The following CAMKMT variants were observed in gnomAD, a reference collection of about 807,000 sequenced individuals.
CAMKMT encodes calmodulin-lysine N-methyltransferase.
CAMKMT carries 53 observed loss-of-function variants against 48.0 expected under a neutral mutation model. That is an observed-to-expected ratio of 1.10 (90% CI 0.89 to 1.39). The LOEUF is 1.39. Among genes scored for constraint, CAMKMT ranks in the 40% most tolerant of loss-of-function variants. The probability of loss-of-function intolerance (pLI) is 0.00; values close to 1 mark genes in which losing one functional copy is unlikely to be tolerated. For missense variants in CAMKMT, 428 were observed against 402.7 expected, an observed-to-expected ratio of 1.06 and a Z score of -0.54; for synonymous variants, 165 against 152.3, an observed-to-expected ratio of 1.08 and a Z score of -0.61.
intron 3 of CAMKMT, among the ~76,000 whole-genome samples, chr2:44,615,542 C>T (rs2103912556): frequency 6.6e-6 from 1 of 152,176 alleles, no homozygotes; most frequent in Non-Finnish European, 1.5e-5. Flanking sequence ...CCTTGGGTAG[C>T]TGGCAGGATG....
At chr2:44,376,362 A>G (rs1260195909) in intron 2 of CAMKMT, among the ~76,000 whole-genome samples, 2 of 151,544 alleles carry the variant, frequency 1.3e-5, no homozygotes, top group African/African-American at 4.9e-5. Context: ...TGGAGGTTGC[A>G]GTCAGATGAG....
At chr2:44,585,713 G>A (rs1469933913) in intron 3 of CAMKMT, among the ~76,000 whole-genome samples, 1 of 152,234 alleles carries the variant, frequency 6.6e-6, no homozygotes, top group African/African-American at 2.4e-5. Flanking sequence ...TCAAGTTCAA[G>A]TAACATGCTA....
At chr2:44,402,771 A>G (rs566309815) in intron 3 of CAMKMT, among the ~76,000 whole-genome samples, 105 of 30,454 alleles carry the variant, frequency 3.4e-3, no homozygotes, top group South Asian at 0.022. Flanking sequence ...CTTTTTCTTT[A>G]CTTTTAACCT....
In CAMKMT at chr2:44,400,243, C is replaced by A. The variant is rs1682238880; in HGVS notation, c.376+9938C>A. 2.0e-5 allele frequency among the ~76,000 whole-genome samples: 3 copies of A among 152,098 alleles called. No individual in the cohort carries two copies. The South Asian group carries it at 6.2e-4, about 32-fold the overall frequency. On this transcript the variant is annotated intron_variant, in intron 3 of 10. Transcript: ENST00000378494. ...AAACTAATAGAAACTGAGTTCAGAA[C>A]ACATACATTTTTTATTTAGGTAATA... is the stretch of plus-strand genomic sequence containing the variant.
intron 3 of CAMKMT, among the ~76,000 whole-genome samples, chr2:44,608,133 C>T (rs1028168670): frequency 1.4e-5 from 2 of 141,408 alleles, no homozygotes; most frequent in Middle Eastern, 4.1e-3. Flanking sequence ...AGTGCAGTGG[C>T]AGCATCTCGG....
At chr2:44,500,863 G>T (rs1029732725) in intron 3 of CAMKMT, among the ~76,000 whole-genome samples, 5 of 151,724 alleles carry the variant, frequency 3.3e-5, no homozygotes, top group African/African-American at 1.2e-4. Context: ...TGTATTTTTA[G>T]TAGAGATGGG....
intron 3 of CAMKMT, among the ~76,000 whole-genome samples, chr2:44,391,324 A>G (rs1181800926): frequency 6.6e-6 from 1 of 152,146 alleles, no homozygotes; most frequent in East Asian, 1.9e-4. Context: ...AAAATAATGT[A>G]GGTTTCTTTT....
intron 3 of CAMKMT, among the ~76,000 whole-genome samples, chr2:44,419,806 A>G (rs1293195715): frequency 6.6e-6 from 1 of 152,190 alleles, no homozygotes; most frequent in African/African-American, 2.4e-5. Context: ...ATTGTGCACA[A>G]TGATCACACC....
intron 3 of CAMKMT, among the ~76,000 whole-genome samples, chr2:44,558,034 T>TATTC (rs60843994): frequency 0.015 from 2,177 of 143,960 alleles, 19 homozygotes; most frequent in Middle Eastern, 0.035. Flanking sequence ...TTTATTTATT[T>TATTC]ATTCATTCAT....
intron 3 of CAMKMT, among the ~76,000 whole-genome samples, chr2:44,597,708 T>C (rs1670742747): frequency 6.6e-6 from 1 of 152,134 alleles, no homozygotes; most frequent in African/African-American, 2.4e-5. Flanking sequence ...TATAGTAACA[T>C]ATATGCTTCC....
At chr2:44,737,865 T>C (rs1050460917) in intron 7 of CAMKMT, among the ~76,000 whole-genome samples, 1 of 131,644 alleles carries the variant, frequency 7.6e-6, no homozygotes, top group Non-Finnish European at 1.6e-5. Context: ...TTTTCTTTTT[T>C]TTTTTTTCTT....
intron 3 of CAMKMT, among the ~76,000 whole-genome samples, chr2:44,523,533 G>A (rs1319129762): frequency 6.6e-6 from 1 of 151,760 alleles, no homozygotes; most frequent in Non-Finnish European, 1.5e-5. Context: ...GACCGCAGGT[G>A]ATCCACCCAC....
intron 7 of CAMKMT, among the ~76,000 whole-genome samples, chr2:44,715,733 A>AT (rs200624079): frequency 3.4e-4 from 51 of 151,226 alleles, no homozygotes; most frequent in African/African-American, 9.2e-4. Flanking sequence ...CCCTGGAGAT[A>AT]TTTTTTTTTG....
chr2:44,393,251 A>T (rs1291829391), intron 3 of CAMKMT: 7 of 152,222 alleles, frequency 4.6e-5, no homozygotes, highest in Admixed American at 4.6e-4. Context: ...TACTATTAGA[A>T]AAGATAATTT....
At chr2:44,577,592 C>G (rs1171268605) in intron 3 of CAMKMT, among the ~76,000 whole-genome samples, 1 of 150,798 alleles carries the variant, frequency 6.6e-6, no homozygotes, top group South Asian at 2.1e-4. Context: ...GCACTCCAGC[C>G]TGAGAGACAG....
chr2:44,557,402 AT>A (rs1668072624), intron 3 of CAMKMT, among the ~76,000 whole-genome samples: 1 of 152,178 alleles, frequency 6.6e-6, no homozygotes, highest in Non-Finnish European at 1.5e-5. Context: ...AAGGTAGTTA[AT>A]TTTATGGTAC....
intron 3 of CAMKMT, among the ~76,000 whole-genome samples, chr2:44,588,668 C>T (rs1314229964): frequency 2.4e-5 from 1 of 41,878 alleles, no homozygotes; most frequent in African/African-American, 1.0e-4. Context: ...GCCCCCCGCC[C>T]GGCCAGCCGC....
At chr2:44,724,630 C>T (rs1320257066) in intron 7 of CAMKMT, among the ~76,000 whole-genome samples, 1 of 152,050 alleles carries the variant, frequency 6.6e-6, no homozygotes, top group East Asian at 1.9e-4. Flanking sequence ...CTCTGTTTGT[C>T]ATTAGAAGAG....
chr2:44,434,572 A>G (rs1174684832), intron 3 of CAMKMT, among the ~76,000 whole-genome samples: 2 of 152,166 alleles, frequency 1.3e-5, no homozygotes, highest in African/African-American at 4.8e-5. Context: ...CTTACTTGGC[A>G]ATGTCCTTAG....
Sources: allele counts gnomAD v4.1 joint callset (sites outside exome capture counted in the v4.1 genomes callset), GRCh38; gene constraint gnomAD v4.1.1; transcripts MANE v1.5; gene names NCBI Gene and HGNC (gene_info 2026-07-23, HGNC 2026-07-21).